CYSLTR1: variants seen among roughly 807,000 people sequenced by gnomAD.
CYSLTR1 encodes the protein G-protein coupled receptor HG55.
A neutral mutation model predicts 2.1 loss-of-function variants in CYSLTR1; 1 was observed. The observed-to-expected ratio is 0.48, with a 90% CI of 0.17 to 2.28. CYSLTR1 has a LOEUF of 2.28. Among genes scored for constraint, CYSLTR1 ranks in the 30% most tolerant of loss-of-function variants. The pLI is 0.26. For synonymous variants in CYSLTR1, 110 were observed against 89.6 expected (o/e 1.23, Z -1.28); for missense variants, 299 against 250.1 (o/e 1.20, Z -1.32).
At chrX:78,311,728 T>C (rs919816564) in intron 1 of CYSLTR1, among the ~76,000 whole-genome samples, 1 of 111,628 alleles carries the variant, frequency 9.0e-6, no homozygotes, top group Non-Finnish European at 1.9e-5. Context: ...CACAATTCCA[T>C]TTACAATAGC....
intron 1 of CYSLTR1, among the ~76,000 whole-genome samples, chrX:78,290,094 A>C (rs761115575): frequency 8.9e-6 from 1 of 111,857 alleles, no homozygotes; most frequent in African/African-American, 3.2e-5. Context: ...TTATGGTTTT[A>C]GGTCTTACAT....
intron 1 of CYSLTR1, among the ~76,000 whole-genome samples, chrX:78,304,274 T>G (rs1363501384): frequency 1.8e-5 from 2 of 112,124 alleles, no homozygotes; most frequent in African/African-American, 3.2e-5. Flanking sequence ...CCATCTCTGG[T>G]TCTGACTATA....
At chrX:78,324,041 T>C (rs1224066311) in intron 1 of CYSLTR1, among the ~76,000 whole-genome samples, 1 of 111,330 alleles carries the variant, frequency 9.0e-6, no homozygotes, top group Non-Finnish European at 1.9e-5. Context: ...ACCACCCCAA[T>C]CTAGAAGAAG....
At chrX:78,285,724 A>G (rs1005069583) in intron 1 of CYSLTR1, among the ~76,000 whole-genome samples, 1 of 111,804 alleles carries the variant, frequency 8.9e-6, no homozygotes, top group African/African-American at 3.3e-5. Flanking sequence ...ACCGTGTAGT[A>G]TTTTTCAAGT....
chrX:78,322,420 A>G (rs928378555), intron 1 of CYSLTR1, among the ~76,000 whole-genome samples: 2 of 112,296 alleles, frequency 1.8e-5, no homozygotes, highest in Non-Finnish European at 3.8e-5. Context: ...AGGCTCACCT[A>G]CTTTGACCAC....
rs768181799 is a variant in CYSLTR1 at position 78,272,979 on chromosome X, G to T, written c.768C>A (p.His256Gln). The change falls in exon 3 of 3, where the codon CAC becomes CAA. Residue 256 changes from histidine (H) to glutamine (Q), a missense_variant. By Grantham distance (24) the His-to-Gln change is conservative. Coordinates refer to ENST00000373304, the MANE Select transcript of CYSLTR1 (RefSeq NM_006639.4). ...TAGTTTCATTGTGTAAAAAATGAAGGTGAATGGTACGTTGAATATGATATG... is the reference window on the plus strand; with the variant it reads ...TAGTTTCATTGTGTAAAAAATGAAGTTGAATGGTACGTTGAATATGATATG... ...FMPYHIQRTI[H>Q]LHFLHNETKP... 7 of 1,209,740 alleles carry T rather than the reference G, an allele frequency of 5.8e-6. No individual in the cohort carries two copies. Among genetic ancestry groups the T allele is most frequent in the Non-Finnish European group, 7.8e-6 (7 of 895,080 alleles).
chrX:78,288,578 C>A (rs1444208306), intron 1 of CYSLTR1, among the ~76,000 whole-genome samples: 2 of 110,570 alleles, frequency 1.8e-5, no homozygotes, highest in Admixed American at 9.6e-5. Flanking sequence ...TTTTTCATTT[C>A]TGTGGGGACA....
intron 1 of CYSLTR1, among the ~76,000 whole-genome samples, chrX:78,300,846 T>G (rs1296806102): frequency 1.8e-5 from 2 of 112,854 alleles, no homozygotes; most frequent in East Asian, 5.6e-4. Flanking sequence ...CCAGAGGTTC[T>G]TCATGAGGGC....
At chrX:78,294,225 A>G (rs1922479028) in intron 1 of CYSLTR1, among the ~76,000 whole-genome samples, 1 of 112,666 alleles carries the variant, frequency 8.9e-6, no homozygotes, top group Non-Finnish European at 1.9e-5. Flanking sequence ...CATCAGCTGC[A>G]GGTCTGCTGG....
chrX:78,272,879 A>G lies in CYSLTR1; in HGVS notation c.868T>C (p.Phe290Leu), dbSNP rs1412230975. ...GAAAAGAAATATAGGAGAGGGTCAA[A>G]GCAACAATTGGATGCAGCCAGAGAC... is the stretch of plus-strand genomic sequence containing the variant. ...TLSLAASNCC[F>L]DPLLYFFSGG... is the part of the protein sequence containing the mutation. The change falls in exon 3 of 3, where the codon TTT becomes CTT. Residue 290 changes from phenylalanine (F) to leucine (L), a missense_variant. By Grantham distance (22) the Phe-to-Leu change is conservative. Transcript: ENST00000373304. 2.5e-6 allele frequency: 3 copies of G among 1,211,602 alleles called. No individual in the cohort carries two copies. Among genetic ancestry groups the G allele is most frequent in the Non-Finnish European group, 3.4e-6 (3 of 895,479 alleles).
intron 2 of CYSLTR1, among the ~76,000 whole-genome samples, chrX:78,281,271 T>A (rs1047384996): frequency 4.2e-5 from 4 of 95,508 alleles, no homozygotes; most frequent in African/African-American, 7.6e-5. Flanking sequence ...ATGTTTTAAT[T>A]TTTTTTTTTT....
intron 2 of CYSLTR1, among the ~76,000 whole-genome samples, chrX:78,276,505 G>T (rs2149181665): frequency 9.0e-6 from 1 of 110,717 alleles, no homozygotes. Flanking sequence ...AGATAGCTAT[G>T]GTAGTTGTTG....
intron 1 of CYSLTR1, chrX:78,320,578 T>C (rs1439938108): frequency 1.8e-5 from 2 of 111,936 alleles, no homozygotes; most frequent in Non-Finnish European, 3.8e-5. Context: ...GGCTTAGGAT[T>C]GACTTGGCAA....
intron 1 of CYSLTR1, among the ~76,000 whole-genome samples, chrX:78,305,640 C>A (rs909024037): frequency 8.9e-6 from 1 of 112,365 alleles, no homozygotes; most frequent in Non-Finnish European, 1.9e-5. Flanking sequence ...CATTCCTCAC[C>A]TTCCCAGCAG....
intron 1 of CYSLTR1, among the ~76,000 whole-genome samples, chrX:78,285,335 T>C (rs1922019469): frequency 9.8e-6 from 1 of 102,091 alleles, no homozygotes; most frequent in Non-Finnish European, 1.9e-5. Flanking sequence ...GGCAGGAGAA[T>C]GGCGTGAACC....
rs1422407696 is a variant in CYSLTR1, at chrX:78,273,509, C to A, written c.238G>T (p.Val80Leu). 1 of 1,211,541 alleles carries A rather than the reference C, an allele frequency of 8.3e-7. No homozygotes were observed. Among genetic ancestry groups the A allele is most frequent in the Non-Finnish European group, 1.1e-6 (1 of 895,445 alleles). ...LLCVCTLPLR[V>L]VYYVHKGIWL... ...ATGCCTTTGTGAACATAATAGACCACACGGAGAGGCAGTGTGCACACACAA... is the reference window on the plus strand; with the variant it reads ...ATGCCTTTGTGAACATAATAGACCAAACGGAGAGGCAGTGTGCACACACAA... Residue 80 changes from valine to leucine, a missense_variant, in exon 3 of 3, where the codon GTG becomes TTG. Physicochemically the swap from Val to Leu is conservative, Grantham distance 32. Transcript: ENST00000373304.
At chrX:78,297,934 T>A (rs1173802783) in intron 1 of CYSLTR1, among the ~76,000 whole-genome samples, 7 of 111,762 alleles carry the variant, frequency 6.3e-5, no homozygotes, top group Non-Finnish European at 1.3e-4. Context: ...GCTTTGCTCT[T>A]GCTTTTCTAG....
At chrX:78,281,006 T>C (rs1233867993) in intron 2 of CYSLTR1, among the ~76,000 whole-genome samples, 1 of 112,330 alleles carries the variant, frequency 8.9e-6, no homozygotes, top group Non-Finnish European at 1.9e-5. Context: ...TTAGGTTGAT[T>C]GCATGTCTTT....
rs777980073 is a variant in CYSLTR1, at chrX:78,272,951, G to A, written c.796C>T (p.Pro266Ser). The part of the protein sequence containing the change: ...HLHFLHNETK[P>S]CDSVLRMQKS... ...TGCATTCTAAGGACAGAATCACAGG[G>A]TTTAGTTTCATTGTGTAAAAAATGA... Residue 266 changes from proline (P) to serine (S), a missense_variant, in exon 3 of 3, where the codon CCC becomes TCC. Transcript: ENST00000373304. The A allele has an allele frequency of 8.3e-6, 10 of 1,209,231 alleles. No individual in the cohort carries two copies. In the East Asian group the frequency reaches 3.0e-4, roughly 36 times the overall value.
Sources: gnomAD v4.1 joint callset for allele counts (sites outside exome capture counted in the v4.1 genomes callset) on GRCh38, gnomAD v4.1.1 for gene constraint, MANE v1.5 for transcripts, NCBI Gene and HGNC (gene_info 2026-07-23, HGNC 2026-07-21) for gene names.